PGPEP1L: variants seen among roughly 807,000 people sequenced by gnomAD.
The protein encoded by PGPEP1L is pyroglutamyl-peptidase I like, also known as pyroglutamyl-peptidase 1-like protein.
Under a neutral mutation model 6.0 loss-of-function variants are expected in PGPEP1L, and 7 were observed. The observed-to-expected ratio is 1.17, with a 90% CI of 0.66 to 2.19. The LOEUF (loss-of-function observed/expected upper bound fraction) is 2.19. Ranked by LOEUF, PGPEP1L falls within the 30% of genes most tolerant of loss-of-function variation. The pLI, the probability that PGPEP1L is intolerant of heterozygous loss-of-function variation, is 0.00. For missense variants in PGPEP1L, 209 were observed against 192.5 expected (o/e 1.09, Z -0.51); for synonymous variants, 103 against 83.9 (o/e 1.23, Z -1.24).
intron 2 of PGPEP1L, among the ~76,000 whole-genome samples, chr15:98,978,415 C>A (rs755322840): frequency 6.6e-6 from 1 of 152,114 alleles, no homozygotes; most frequent in Non-Finnish European, 1.5e-5. Flanking sequence ...AGCCTGCAGG[C>A]CCAGGCAGGC....
chr15:98,973,372 G>A (rs890818083), intron 2 of PGPEP1L, among the ~76,000 whole-genome samples: 7 of 152,158 alleles, frequency 4.6e-5, no homozygotes, highest in East Asian at 3.8e-4. Flanking sequence ...AGGAACAGAC[G>A]TTTACAGAAC....
intron 2 of PGPEP1L, among the ~76,000 whole-genome samples, chr15:98,973,378 A>ATGT (rs2017525797): frequency 6.6e-6 from 1 of 152,274 alleles, no homozygotes; most frequent in Non-Finnish European, 1.5e-5. Flanking sequence ...AGACGTTTAC[A>ATGT]GAACACTCCA....
chr15:98,985,207 G>A (rs905036495), intron 2 of PGPEP1L, among the ~76,000 whole-genome samples: 1 of 152,128 alleles, frequency 6.6e-6, no homozygotes, highest in African/African-American at 2.4e-5. Context: ...CTCACCCTCA[G>A]GTCCTCAGGT....
chr15:98,971,255 C>T lies in PGPEP1L; in HGVS notation c.-141-97G>A, dbSNP rs2017492951. On this transcript the variant is annotated intron_variant, in intron 2 of 4. Transcript: ENST00000535714. ...AAAACCCAATCCTTGGGGTCTACTT[C>T]CAGGGGTCTTCCGCAGCCTGGACTT... The T allele has an allele frequency of 2.1e-6, 3 of 1,409,216 alleles. No individual in the cohort carries two copies. In the South Asian group the frequency reaches 4.1e-5, roughly 19 times the overall value. The allele number at this position is 1,409,216 out of a possible 1,614,324, so 87.3% of individuals were successfully genotyped here.
At chr15:98,993,039 G>A (rs994476576) in intron 2 of PGPEP1L, among the ~76,000 whole-genome samples, 3 of 152,176 alleles carry the variant, frequency 2.0e-5, no homozygotes, top group African/African-American at 7.2e-5. Context: ...TCAGGACATA[G>A]GCATGAGCAA....
At chr15:98,981,386 A>T (rs2017657944) in intron 2 of PGPEP1L, among the ~76,000 whole-genome samples, 1 of 149,818 alleles carries the variant, frequency 6.7e-6, no homozygotes, top group South Asian at 2.2e-4. Context: ...GCTACTCGAG[A>T]GGCTGAGGCA....
At chr15:98,980,655 G>C (rs1332772920) in intron 2 of PGPEP1L, among the ~76,000 whole-genome samples, 1 of 152,214 alleles carries the variant, frequency 6.6e-6, no homozygotes, top group Non-Finnish European at 1.5e-5. Context: ...ATGGTGGCCA[G>C]GTGCAGTGGC....
chr15:98,975,713 T>TGTCA (rs994917613), intron 2 of PGPEP1L, among the ~76,000 whole-genome samples: 1 of 152,098 alleles, frequency 6.6e-6, no homozygotes, highest in African/African-American at 2.4e-5. Flanking sequence ...AAACTCCGTC[T>TGTCA]CTACTGAAAA....
intron 2 of PGPEP1L, among the ~76,000 whole-genome samples, chr15:98,997,161 C>A (rs941933125): frequency 6.6e-6 from 1 of 152,234 alleles, no homozygotes; most frequent in East Asian, 1.9e-4. Flanking sequence ...CACACAGGAG[C>A]CCATGAAAGC....
chr15:98,988,867 G>A (rs952011847), intron 2 of PGPEP1L, among the ~76,000 whole-genome samples: 2 of 152,188 alleles, frequency 1.3e-5, no homozygotes, highest in Admixed American at 1.3e-4. Flanking sequence ...GCAAACTCCA[G>A]CAGACCTGCA....
In PGPEP1L at chr15:99,007,475, T is replaced by A. The variant is rs1307437173; in HGVS notation, c.-486A>T. On this transcript the variant is annotated 5_prime_UTR_variant, in exon 1 of 5. Transcript: ENST00000535714. Reference sequence around the variant, plus strand: ...GTTTTTAAAGGCAGCGTGTCCCAAGTTTGTTTCTTCTGATGCTCGCATGTG... The same window carrying A: ...GTTTTTAAAGGCAGCGTGTCCCAAGATTGTTTCTTCTGATGCTCGCATGTG... 2 of 152,320 alleles carry A rather than the reference T, an allele frequency of 1.3e-5. No individual in the cohort carries two copies. The highest frequency in any genetic ancestry group is 4.8e-5 in the African/African-American group (2 of 41,558). The allele number at this position is 152,320 out of a possible 1,614,324, so 9.4% of individuals were successfully genotyped here.
At chr15:98,973,881 A>C (rs1204304267) in intron 2 of PGPEP1L, among the ~76,000 whole-genome samples, 1 of 152,210 alleles carries the variant, frequency 6.6e-6, no homozygotes, top group Non-Finnish European at 1.5e-5. Flanking sequence ...ATTCAAACTA[A>C]AAAAGCAATA....
chr15:98,969,652 C>T lies in PGPEP1L; in HGVS notation c.-18-1G>A, dbSNP rs746081875. 2.5e-6 allele frequency: 4 copies of T among 1,610,318 alleles called. No individual in the cohort carries two copies. Among genetic ancestry groups the T allele is most frequent in the Non-Finnish European group, 8.5e-7 (1 of 1,179,840 alleles). Reference sequence around the variant, plus strand: ...TGTCCATGCCCACATGCACGACGAGCTGTGTGAACGGGTAACAGCAGAGAG... The same window carrying T: ...TGTCCATGCCCACATGCACGACGAGTTGTGTGAACGGGTAACAGCAGAGAG... On this transcript the variant is annotated splice_acceptor_variant, in intron 3 of 4. Transcript: ENST00000535714. LOFTEE classifies it low-confidence loss of function (5UTR_SPLICE).
At chr15:98,981,327 C>T (rs2151758568) in intron 2 of PGPEP1L, among the ~76,000 whole-genome samples, 1 of 151,992 alleles carries the variant, frequency 6.6e-6, no homozygotes, top group Admixed American at 6.6e-5. Flanking sequence ...CCCGTCTCCA[C>T]TAAAAATACA....
At chr15:99,006,841 TC>T (rs1343594846) in intron 1 of PGPEP1L, among the ~76,000 whole-genome samples, 2 of 152,118 alleles carry the variant, frequency 1.3e-5, no homozygotes, top group African/African-American at 4.8e-5. Flanking sequence ...AATACTTTTT[TC>T]CTGAAGCTGT....
intron 2 of PGPEP1L, among the ~76,000 whole-genome samples, chr15:98,972,315 C>A (rs188332090): frequency 6.6e-6 from 1 of 151,414 alleles, no homozygotes. Context: ...ATCGTGCCAT[C>A]GCACTCCAGC....
chr15:98,993,867 CA>C (rs1254921881), intron 2 of PGPEP1L, among the ~76,000 whole-genome samples: 2 of 151,012 alleles, frequency 1.3e-5, no homozygotes, highest in African/African-American at 4.9e-5. Flanking sequence ...ATTGAAAAAA[CA>C]AAACAACAAA....
At chr15:98,976,325 G>A (rs1027499898) in intron 2 of PGPEP1L, among the ~76,000 whole-genome samples, 7 of 152,230 alleles carry the variant, frequency 4.6e-5, no homozygotes, top group East Asian at 3.9e-4. Flanking sequence ...TGCTCTGAAC[G>A]AAGACTAAAT....
intron 2 of PGPEP1L, among the ~76,000 whole-genome samples, chr15:98,977,291 TGTTA>T (rs1442585268): frequency 4.6e-5 from 7 of 152,246 alleles, no homozygotes; most frequent in Non-Finnish European, 7.3e-5. Flanking sequence ...TAATTTGTTC[TGTTA>T]GTTTCTTAAG....
Sources: allele counts gnomAD v4.1 joint callset (sites outside exome capture counted in the v4.1 genomes callset), GRCh38; gene constraint gnomAD v4.1.1; transcripts MANE v1.5; gene names NCBI Gene and HGNC (gene_info 2026-07-23, HGNC 2026-07-21).